Variants in CDK14 observed in about 807,000 individuals in gnomAD.
CDK14 encodes the protein cyclin dependent kinase 14.
CDK14 carries 34 observed loss-of-function variants against 60.7 expected under a neutral mutation model. That is an observed-to-expected ratio of 0.56 (90% CI 0.43 to 0.75). The LOEUF (loss-of-function observed/expected upper bound fraction) is 0.75. Ranked by LOEUF, CDK14 falls within the 30% of genes least tolerant of loss-of-function variation. CDK14 has a pLI of 0.00. For missense variants in CDK14, 482 were observed against 564.1 expected (o/e 0.85, Z 1.47); for synonymous variants, 197 against 203.7 (o/e 0.97, Z 0.28).
intron 4 of CDK14, among the ~76,000 whole-genome samples, chr7:90,770,950 G>GC (rs1239559240): frequency 6.6e-6 from 1 of 152,160 alleles, no homozygotes; most frequent in Non-Finnish European, 1.5e-5. Context: ...ACCAGTTTTA[G>GC]CAAGAGTCTT....
intron 10 of CDK14, among the ~76,000 whole-genome samples, chr7:90,987,182 T>C (rs1471739437): frequency 6.6e-6 from 1 of 152,030 alleles, no homozygotes; most frequent in African/African-American, 2.4e-5. Flanking sequence ...ATTTTTGCTA[T>C]TATTTTTTAA....
intron 5 of CDK14, among the ~76,000 whole-genome samples, chr7:90,841,087 A>G (rs1386173920): frequency 1.3e-5 from 2 of 152,188 alleles, no homozygotes; most frequent in Non-Finnish European, 2.9e-5. Context: ...TTTGCTTTAT[A>G]CCTTTAGAAA....
At chr7:90,637,831 A>C (rs938805222) in intron 2 of CDK14, among the ~76,000 whole-genome samples, 1 of 146,408 alleles carries the variant, frequency 6.8e-6, no homozygotes, top group East Asian at 2.0e-4. Flanking sequence ...TATTGGGTGC[A>C]TATATATTTA....
intron 4 of CDK14, among the ~76,000 whole-genome samples, chr7:90,782,614 T>C (rs1191048428): frequency 6.6e-6 from 1 of 152,090 alleles, no homozygotes; most frequent in Non-Finnish European, 1.5e-5. Flanking sequence ...GCTCCTTAAA[T>C]GGGGGGACTT....
chr7:90,636,550 G>A (rs1322564234), intron 2 of CDK14, among the ~76,000 whole-genome samples: 1 of 151,586 alleles, frequency 6.6e-6, no homozygotes, highest in Non-Finnish European at 1.5e-5. Flanking sequence ...ATTTTATTGA[G>A]GATTTTTGCA....
chr7:90,666,632 G>A (rs1800984918), intron 2 of CDK14, among the ~76,000 whole-genome samples: 3 of 152,146 alleles, frequency 2.0e-5, no homozygotes, highest in Admixed American at 1.3e-4. Context: ...GTTATTTCAC[G>A]GAACATAGTT....
intron 2 of CDK14, among the ~76,000 whole-genome samples, chr7:90,677,625 CATA>C (rs1184098553): frequency 6.6e-6 from 1 of 151,858 alleles, no homozygotes; most frequent in African/African-American, 2.4e-5. Flanking sequence ...GAGAAGAATA[CATA>C]ATATGTTTTC....
At chr7:90,958,783 A>G (rs1029165292) in intron 9 of CDK14, among the ~76,000 whole-genome samples, 3 of 152,198 alleles carry the variant, frequency 2.0e-5, no homozygotes, top group South Asian at 2.1e-4. Flanking sequence ...TTGTCTTTCA[A>G]TGAGGTCAGT....
rs535275317 is a variant in CDK14 at position 90,748,159 on chromosome 7, G to A, written c.464+384G>A. 1.2e-4 allele frequency among the ~76,000 whole-genome samples: 18 copies of A among 152,182 alleles called. No homozygotes were observed. The South Asian group carries it at 1.5e-3, about 12-fold the overall frequency. ...GCCAAATATATTGGCCATTCTTGGG[G>A]TCTTTTTAAGTTAAGCTTTTACTCC... is the stretch of plus-strand genomic sequence containing the variant. On this transcript the variant is annotated intron_variant, in intron 4 of 14. Transcript: ENST00000380050.
At chr7:90,790,444 G>A in intron 4 of CDK14, 129 bp from the exon 5 acceptor site, 1 of 544,770 alleles carries the variant, frequency 1.8e-6, no homozygotes, top group Non-Finnish European at 3.2e-6. Context: ...TGCTTTGGTG[G>A]TATAATTGAA....
rs906356597 is a variant in CDK14, at chr7:90,871,213, G to A, written c.639+7944G>A. Among the ~76,000 whole-genome samples the A allele has an allele frequency of 2.0e-5, 3 of 152,208 alleles. No homozygotes were observed. The East Asian group carries it at 5.8e-4, about 29-fold the overall frequency. The stretch of plus-strand genomic sequence containing the variant: ...GGTGATAGAATCAAGGATCAGAAAA[G>A]AATATAATAAAATGATGAGCCTAAC... On this transcript the variant is annotated intron_variant, in intron 6 of 14. Transcript: ENST00000380050.
intron 2 of CDK14, among the ~76,000 whole-genome samples, chr7:90,668,874 ATT>A (rs376626521): frequency 6.9e-6 from 1 of 143,944 alleles, no homozygotes; most frequent in African/African-American, 2.6e-5. Context: ...GTGCCTGGCT[ATT>A]TTTTTTTTGT....
At chr7:90,959,228 C>A (rs1036585152) in intron 9 of CDK14, among the ~76,000 whole-genome samples, 1 of 152,106 alleles carries the variant, frequency 6.6e-6, no homozygotes, top group African/African-American at 2.4e-5. Context: ...ATTGCCAGAA[C>A]CAAATAGCAA....
intron 5 of CDK14, among the ~76,000 whole-genome samples, chr7:90,823,545 T>C (rs1008334183): frequency 6.6e-6 from 1 of 152,068 alleles, no homozygotes; most frequent in Non-Finnish European, 1.5e-5. Flanking sequence ...ACTTGGGTGG[T>C]GTAAATTAAT....
intron 14 of CDK14, among the ~76,000 whole-genome samples, chr7:91,149,830 C>G (rs1330378786): frequency 1.3e-5 from 2 of 152,168 alleles, no homozygotes; most frequent in African/African-American, 4.8e-5. Flanking sequence ...TCTGTTTTCC[C>G]CCTCTCTTTA....
At chr7:90,884,665 C>T (rs1028269947) in intron 6 of CDK14, among the ~76,000 whole-genome samples, 10 of 152,230 alleles carry the variant, frequency 6.6e-5, no homozygotes, top group Admixed American at 2.0e-4. Context: ...GGAGGCATCA[C>T]GCTACCTGAC....
At chr7:90,605,612 G>A (rs552838399) in intron 2 of CDK14, among the ~76,000 whole-genome samples, 44 of 152,050 alleles carry the variant, frequency 2.9e-4, no homozygotes, top group African/African-American at 9.7e-4. Flanking sequence ...TGTAAAGAAA[G>A]TTTCCCCTCT....
chr7:90,670,749 G>C (rs959089135), intron 2 of CDK14, among the ~76,000 whole-genome samples: 1 of 151,968 alleles, frequency 6.6e-6, no homozygotes, highest in African/African-American at 2.4e-5. Context: ...TCCACCCCGC[G>C]ACCCAAAGAC....
chr7:90,895,379 T>TCCCCTCC (rs1562817588), intron 6 of CDK14, among the ~76,000 whole-genome samples: 9 of 5,408 alleles, frequency 1.7e-3, no homozygotes, highest in East Asian at 6.2e-3. Flanking sequence ...CCCTCCCCTC[T>TCCCCTCC]CCTCTCCTCT....
Sources: allele counts gnomAD v4.1 joint callset (sites outside exome capture counted in the v4.1 genomes callset), GRCh38; gene constraint gnomAD v4.1.1; transcripts MANE v1.5; gene names NCBI Gene and HGNC (gene_info 2026-07-23, HGNC 2026-07-21).